The following BAZ2B variants were observed in gnomAD, a reference collection of about 807,000 sequenced individuals.
BAZ2B encodes bromodomain adjacent to zinc finger domain protein 2B.
A neutral mutation model predicts 246.0 loss-of-function variants in BAZ2B; 91 were observed. The observed-to-expected ratio is 0.37, with a 90% CI of 0.31 to 0.44. The LOEUF is 0.44. Among genes scored for constraint, BAZ2B ranks in the 20% least tolerant of loss-of-function variants. BAZ2B has a pLI of 1.00. For synonymous variants in BAZ2B, 855 were observed against 860.0 expected (o/e 0.99, Z 0.10); for missense variants, 2,332 against 2,533.7 (o/e 0.92, Z 1.71).
chr2:159,462,568 A>G, intron 3 of BAZ2B: 1 of 880,534 alleles, frequency 1.1e-6, no homozygotes. Flanking sequence ...CTATGATTTT[A>G]ATAAACTCCT....
At chr2:159,452,046 G>A (rs2075164188) in intron 4 of BAZ2B, among the ~76,000 whole-genome samples, 1 of 152,078 alleles carries the variant, frequency 6.6e-6, no homozygotes, top group Non-Finnish European at 1.5e-5. Flanking sequence ...AACCATGCTA[G>A]AAACTGAATA....
At position 159,553,708 on chromosome 2, in the gene BAZ2B, A is replaced by G. The variant is rs182815777; in HGVS notation, c.-3+2115T>C. On this transcript the variant is annotated intron_variant, in intron 2 of 36. Coordinates refer to ENST00000392783, the MANE Select transcript of BAZ2B (RefSeq NM_013450.4). ...AACAGCAATTCTCCTGACTTCTGAA[A>G]ATTTTGATTAAAACATATATAAAGT... is the stretch of plus-strand genomic sequence containing the variant. 3.1e-3 allele frequency among the ~76,000 whole-genome samples: 470 copies of G among 152,196 alleles called. 4 individuals are homozygous for G. Among genetic ancestry groups the G allele is most frequent in the African/African-American group, 0.011 (442 of 41,554 alleles).
At chr2:159,448,965 AT>A (rs1297907524) in intron 4 of BAZ2B, among the ~76,000 whole-genome samples, 1 of 152,156 alleles carries the variant, frequency 6.6e-6, no homozygotes, top group African/African-American at 2.4e-5. Context: ...AGGCCTTTTT[AT>A]GTTCTAAAAA....
chr2:159,586,251 C>T (rs1022473954), intron 1 of BAZ2B, among the ~76,000 whole-genome samples: 5 of 152,088 alleles, frequency 3.3e-5, no homozygotes, highest in South Asian at 2.1e-4. Context: ...AAAGAATTTG[C>T]GAGGATCTCA....
the BAZ2B span, among the ~76,000 whole-genome samples, chr2:159,622,654 CAG>C: frequency 1.3e-5 from 2 of 152,072 alleles, no homozygotes; most frequent in Non-Finnish European, 2.9e-5. Context: ...TGCCTAAAAA[CAG>C]AGAAGAAAAA....
chr2:159,534,044 C>G (rs1242695224), intron 2 of BAZ2B, among the ~76,000 whole-genome samples: 1 of 152,144 alleles, frequency 6.6e-6, no homozygotes, highest in Non-Finnish European at 1.5e-5. Context: ...ATAAATATTT[C>G]ATACTGTTAT....
At chr2:159,466,184 C>T (rs961026089) in intron 3 of BAZ2B, among the ~76,000 whole-genome samples, 9 of 152,200 alleles carry the variant, frequency 5.9e-5, no homozygotes, top group Non-Finnish European at 1.2e-4. Flanking sequence ...TACATTGCCT[C>T]TTCAGTAATC....
intron 35 of BAZ2B, among the ~76,000 whole-genome samples, 180 bp from the exon 36 acceptor site, chr2:159,325,134 T>TATATATATA (rs2063500413): frequency 2.3e-5 from 1 of 43,962 alleles, no homozygotes; most frequent in African/African-American, 1.0e-4. Context: ...TATATATATA[T>TATATATATA]ATATATATAT....
chr2:159,413,143 A>T (rs969792763), intron 13 of BAZ2B, among the ~76,000 whole-genome samples: 11 of 152,306 alleles, frequency 7.2e-5, no homozygotes, highest in African/African-American at 2.6e-4. Context: ...ATAAAATAGT[A>T]CTGCCCCTCA....
intron 13 of BAZ2B, among the ~76,000 whole-genome samples, chr2:159,418,015 C>T (rs904060113): frequency 3.9e-5 from 6 of 152,188 alleles, no homozygotes; most frequent in Non-Finnish European, 7.3e-5. Context: ...TGAAATTGAA[C>T]ACCGCCTGGA....
chr2:159,531,916 T>C (rs1198522422), intron 2 of BAZ2B, among the ~76,000 whole-genome samples: 1 of 152,216 alleles, frequency 6.6e-6, no homozygotes, highest in African/African-American at 2.4e-5. Flanking sequence ...TATTCAATTA[T>C]CTATACACTT....
intron 1 of BAZ2B, among the ~76,000 whole-genome samples, chr2:159,578,433 C>G (rs747133855): frequency 2.4e-4 from 36 of 152,180 alleles, no homozygotes; most frequent in Non-Finnish European, 3.2e-4. Flanking sequence ...TTCTGTATAA[C>G]CCAATGTTTC....
intron 34 of BAZ2B, 27 bp from the exon 35 acceptor site, chr2:159,325,945 G>C: frequency 6.5e-7 from 1 of 1,541,554 alleles, no homozygotes; most frequent in Non-Finnish European, 8.7e-7. Context: ...AAGTAAATGA[G>C]GTGTAAGAAA....
chr2:159,431,385 C>T (rs1249202398), intron 9 of BAZ2B, among the ~76,000 whole-genome samples: 3 of 152,146 alleles, frequency 2.0e-5, no homozygotes, highest in Non-Finnish European at 4.4e-5. Flanking sequence ...TTAAACAGTT[C>T]TCATGTGACA....
intron 1 of BAZ2B, among the ~76,000 whole-genome samples, chr2:159,564,995 C>T (rs756692561): frequency 1.3e-4 from 20 of 152,240 alleles, no homozygotes; most frequent in African/African-American, 2.9e-4. Context: ...CTCAGCCTCC[C>T]AAGTAGCTGG....
chr2:159,526,932 TAGTA>T, intron 2 of BAZ2B, among the ~76,000 whole-genome samples: 1 of 151,868 alleles, frequency 6.6e-6, no homozygotes, highest in Non-Finnish European at 1.5e-5. Flanking sequence ...CTAGCTTATA[TAGTA>T]AGTGTGTGTT....
intron 1 of BAZ2B, among the ~76,000 whole-genome samples, chr2:159,587,919 G>A (rs1356047721): frequency 3.1e-5 from 1 of 32,398 alleles, no homozygotes; most frequent in Admixed American, 5.5e-4. Flanking sequence ...GCCAGGAGCA[G>A]TGGGTAATGC....
the BAZ2B span, among the ~76,000 whole-genome samples, chr2:159,691,401 T>C: frequency 1.3e-5 from 2 of 152,202 alleles, no homozygotes. Flanking sequence ...TAACACATAT[T>C]TTTTATGTTA....
At chr2:159,329,042 C>T (rs998032313) in intron 34 of BAZ2B, among the ~76,000 whole-genome samples, 2 of 151,208 alleles carry the variant, frequency 1.3e-5, no homozygotes, top group African/African-American at 2.4e-5. Flanking sequence ...GCAGGAGAAT[C>T]GCTTGAACAC....
Sources: gnomAD v4.1 joint callset for allele counts (sites outside exome capture counted in the v4.1 genomes callset) on GRCh38, gnomAD v4.1.1 for gene constraint, MANE v1.5 for transcripts, NCBI Gene and HGNC (gene_info 2026-07-23, HGNC 2026-07-21) for gene names.